Variants in SMYD3 observed in about 807,000 individuals in gnomAD.
The protein encoded by SMYD3 is histone-lysine N-methyltransferase SMYD3.
Under a neutral mutation model 57.7 loss-of-function variants are expected in SMYD3, and 36 were observed. The observed-to-expected ratio is 0.62, with a 90% CI of 0.48 to 0.82. SMYD3 has a LOEUF of 0.82. Ranked by LOEUF, SMYD3 falls within the 40% of genes least tolerant of loss-of-function variation. The pLI is 0.00. For synonymous variants in SMYD3, 211 were observed against 195.0 expected (o/e 1.08, Z -0.68); for missense variants, 515 against 538.8 (o/e 0.96, Z 0.44).
At chr1:245,947,592 A>G (rs892221581) in intron 5 of SMYD3, among the ~76,000 whole-genome samples, 2 of 152,218 alleles carry the variant, frequency 1.3e-5, no homozygotes, top group African/African-American at 4.8e-5. Flanking sequence ...ATAAATTACC[A>G]GAATTTACCA....
At chr1:246,234,458 T>G (rs2063481037) in intron 5 of SMYD3, among the ~76,000 whole-genome samples, 1 of 150,430 alleles carries the variant, frequency 6.6e-6, no homozygotes, top group African/African-American at 2.5e-5. Flanking sequence ...GAAGTACTCC[T>G]TCCGTTAACA....
intron 5 of SMYD3, among the ~76,000 whole-genome samples, chr1:246,032,321 C>T (rs1359775898): frequency 6.6e-6 from 1 of 152,156 alleles, no homozygotes; most frequent in East Asian, 1.9e-4. Context: ...GTTTCAGTAC[C>T]TGTCATGATC....
chr1:246,068,695 A>G (rs1271754718), intron 5 of SMYD3, among the ~76,000 whole-genome samples: 1 of 152,218 alleles, frequency 6.6e-6, no homozygotes, highest in East Asian at 1.9e-4. Context: ...AGCATTTGTT[A>G]TTGTTACACT....
intron 1 of SMYD3, among the ~76,000 whole-genome samples, chr1:246,360,308 C>T (rs1345296427): frequency 6.6e-6 from 1 of 151,602 alleles, no homozygotes; most frequent in Non-Finnish European, 1.5e-5. Flanking sequence ...ACACAGATGA[C>T]ACAAACAAAT....
At chr1:246,047,975 T>A (rs1442133719) in intron 5 of SMYD3, among the ~76,000 whole-genome samples, 3 of 152,198 alleles carry the variant, frequency 2.0e-5, no homozygotes, top group Non-Finnish European at 4.4e-5. Flanking sequence ...GTAAAATTTG[T>A]TAGTAACTGA....
chr1:246,498,109 T>C (rs1041112247), intron 1 of SMYD3, among the ~76,000 whole-genome samples: 1 of 152,138 alleles, frequency 6.6e-6, no homozygotes, highest in Non-Finnish European at 1.5e-5. Flanking sequence ...CATACATCAT[T>C]AGTGGGAATG....
At chr1:246,065,410 C>T (rs1461967581) in intron 5 of SMYD3, among the ~76,000 whole-genome samples, 1 of 152,182 alleles carries the variant, frequency 6.6e-6, no homozygotes, top group African/African-American at 2.4e-5. Context: ...TGTCAGTTTA[C>T]TAGAGATGCT....
intron 3 of SMYD3, among the ~76,000 whole-genome samples, chr1:246,331,074 G>T (rs12403817): frequency 0.14 from 21,763 of 152,168 alleles, 2,143 homozygotes; most frequent in East Asian, 0.43. Context: ...GTTCAAGCTT[G>T]CAATGAGCTA....
At chr1:245,921,577 A>ATATATATATATATATATATATATATAT (rs2055960507) in intron 7 of SMYD3, among the ~76,000 whole-genome samples, 1 of 149,716 alleles carries the variant, frequency 6.7e-6, no homozygotes, top group East Asian at 2.0e-4. Flanking sequence ...ATATACACAT[A>ATATATATATATATATATATATATATAT]CCATGGAATA....
intron 5 of SMYD3, chr1:246,035,425 A>T (rs2059756315): frequency 6.6e-6 from 1 of 152,232 alleles, no homozygotes. Context: ...GCCCCGCGGC[A>T]CAGTTCCCAG....
chr1:245,843,540 ATGTGTGTGTGTGTGTG>A (rs10531765), intron 10 of SMYD3, among the ~76,000 whole-genome samples: 5,107 of 149,620 alleles, frequency 0.034, 244 homozygotes, highest in African/African-American at 0.11. Context: ...GTATATATAT[ATGTGTGTGTGTGTGTG>A]TGTGTGTGTG....
intron 5 of SMYD3, among the ~76,000 whole-genome samples, chr1:246,237,833 C>G (rs1345991463): frequency 1.3e-5 from 2 of 152,014 alleles, no homozygotes; most frequent in Non-Finnish European, 2.9e-5. Context: ...ACAAAGAAAT[C>G]TCCTGCAGTT....
chr1:246,314,140 G>T (rs775249942), intron 5 of SMYD3, among the ~76,000 whole-genome samples: 1 of 152,172 alleles, frequency 6.6e-6, no homozygotes, highest in Admixed American at 6.5e-5. Context: ...ACAGAGGTAT[G>T]TAAGGCATGA....
chr1:246,101,786 G>A (rs1420716865), intron 5 of SMYD3, among the ~76,000 whole-genome samples: 1 of 152,172 alleles, frequency 6.6e-6, no homozygotes, highest in African/African-American at 2.4e-5. Context: ...CGGTAGGCAA[G>A]CGTAAGATAA....
chr1:246,190,442 A>G (rs150183657), intron 5 of SMYD3, among the ~76,000 whole-genome samples: 10,892 of 151,970 alleles, frequency 0.072, 431 homozygotes, highest in Middle Eastern at 0.17. Context: ...AAAATTAGCC[A>G]GGCGTGGTGG....
chr1:246,340,255 A>G (rs1164540386), intron 2 of SMYD3, among the ~76,000 whole-genome samples: 2 of 150,118 alleles, frequency 1.3e-5, no homozygotes, highest in African/African-American at 2.4e-5. Flanking sequence ...TTACATAACA[A>G]TAAAGAATTT....
chr1:246,034,642 TGGCTG>T (rs967329818), intron 5 of SMYD3: 47 of 155,370 alleles, frequency 3.0e-4, no homozygotes, highest in Non-Finnish European at 1.1e-4. Flanking sequence ...GAGGTGAGCA[TGGCTG>T]GGGGCAAATG....
At chr1:245,870,022 C>T (rs563777870) in intron 8 of SMYD3, among the ~76,000 whole-genome samples, 5 of 152,324 alleles carry the variant, frequency 3.3e-5, no homozygotes, top group Non-Finnish European at 5.9e-5. Context: ...ATCCTCAGAA[C>T]GCCCTGAGGG....
intron 5 of SMYD3, among the ~76,000 whole-genome samples, chr1:245,934,971 A>G (rs1334396971): frequency 6.6e-6 from 1 of 152,176 alleles, no homozygotes; most frequent in Non-Finnish European, 1.5e-5. Context: ...TTTCTTAGTC[A>G]CGTTATTTCA....
Sources: allele counts gnomAD v4.1 joint callset (sites outside exome capture counted in the v4.1 genomes callset), GRCh38; gene constraint gnomAD v4.1.1; transcripts MANE v1.5; gene names NCBI Gene and HGNC (gene_info 2026-07-23, HGNC 2026-07-21).